Variants in LARGE1 observed in about 807,000 individuals in gnomAD.
LARGE1 encodes LARGE xylosyl- and glucuronyltransferase 1.
A neutral mutation model predicts 87.6 loss-of-function variants in LARGE1; 43 were observed. That is an observed-to-expected ratio of 0.49 (90% confidence interval 0.38 to 0.63). The LOEUF (loss-of-function observed/expected upper bound fraction) is 0.63, where lower values mean the gene tolerates loss of function less well. Ranked by LOEUF, LARGE1 falls within the 30% of genes least tolerant of loss-of-function variation. The probability of loss-of-function intolerance (pLI) is 0.00; values close to 1 mark genes in which losing one functional copy is unlikely to be tolerated. For synonymous variants in LARGE1, 434 were observed against 394.6 expected (o/e 1.10, Z -1.18); for missense variants, 802 against 1,000.2 (o/e 0.80, Z 2.67).
At chr22:33,171,541 A>G (rs137348) in intron 11 of LARGE1, among the ~76,000 whole-genome samples, 94,486 of 152,104 alleles carry the variant, frequency 0.62, 29,644 homozygotes, top group Middle Eastern at 0.69. Flanking sequence ...TGTAGCTTCC[A>G]GACTTGGTGC....
chr22:33,283,535 G>A (rs1930895561), intron 12 of LARGE1, among the ~76,000 whole-genome samples, 187 bp from the exon 13 acceptor site: 1 of 152,192 alleles, frequency 6.6e-6, no homozygotes, highest in Admixed American at 6.5e-5. Flanking sequence ...CAGCCTTTGA[G>A]AGGCCGAGGC....
intron 7 of LARGE1, among the ~76,000 whole-genome samples, chr22:33,406,586 T>A (rs1378347252): frequency 6.6e-6 from 1 of 152,136 alleles, no homozygotes; most frequent in East Asian, 1.9e-4. Flanking sequence ...TAGATCTCAT[T>A]CAGTCTTCGA....
intron 2 of LARGE1, among the ~76,000 whole-genome samples, chr22:33,686,303 C>T (rs560527888): frequency 6.6e-6 from 1 of 151,738 alleles, no homozygotes; most frequent in East Asian, 1.9e-4. Flanking sequence ...CCACTAACAA[C>T]CCCTGGTTCG....
chr22:33,565,128 T>TA, intron 5 of LARGE1, 109 bp from the exon 6 acceptor site: 1 of 991,506 alleles, frequency 1.0e-6, no homozygotes, highest in South Asian at 1.5e-5. Flanking sequence ...AAGTATCCAA[T>TA]AAAAATTTGT....
At chr22:33,556,576 C>CAGGCAGGCAGGA (rs1324999239) in intron 6 of LARGE1, among the ~76,000 whole-genome samples, 2 of 49,982 alleles carry the variant, frequency 4.0e-5, no homozygotes, top group African/African-American at 1.2e-4. Flanking sequence ...GGCAGGCAGG[C>CAGGCAGGCAGGA]AGGCAGGCAG....
chr22:33,143,966 T>C, the LARGE1 span, among the ~76,000 whole-genome samples: 9 of 152,204 alleles, frequency 5.9e-5, no homozygotes, highest in Non-Finnish European at 8.8e-5. Flanking sequence ...TTGGTATCTG[T>C]TTCTGTTTCT....
intron 9 of LARGE1, among the ~76,000 whole-genome samples, chr22:33,360,475 T>C (rs1288826680): frequency 6.7e-6 from 1 of 149,460 alleles, no homozygotes; most frequent in Admixed American, 6.6e-5. Context: ...AACTTACACA[T>C]GTCTTATGTG....
intron 1 of LARGE1, among the ~76,000 whole-genome samples, chr22:33,872,354 G>A (rs961055044): frequency 6.0e-5 from 8 of 134,346 alleles, no homozygotes; most frequent in South Asian, 2.4e-4. Flanking sequence ...CGCAGTAAAT[G>A]CTATCTATTA....
chr22:33,710,565 G>A (rs2267267), intron 2 of LARGE1, among the ~76,000 whole-genome samples: 50,769 of 152,042 alleles, frequency 0.33, 8,605 homozygotes, highest in East Asian at 0.49. Context: ...GAGTTCCTGG[G>A]GGACCACAAA....
chr22:33,630,217 A>C (rs1334858287), intron 3 of LARGE1, among the ~76,000 whole-genome samples: 1 of 152,020 alleles, frequency 6.6e-6, no homozygotes. Context: ...AACCCCAAAA[A>C]ACCGAAAACC....
chr22:33,209,705 G>A (rs980978614), intron 11 of LARGE1, among the ~76,000 whole-genome samples: 1 of 152,270 alleles, frequency 6.6e-6, no homozygotes, highest in South Asian at 2.1e-4. Flanking sequence ...GAGTGCCATG[G>A]TGTAATCACA....
chr22:33,118,489 C>G, the LARGE1 span, among the ~76,000 whole-genome samples: 1 of 141,278 alleles, frequency 7.1e-6, no homozygotes, highest in Non-Finnish European at 1.5e-5. Flanking sequence ...GGGACCCTGC[C>G]TCAGAAAGAA....
intron 5 of LARGE1, among the ~76,000 whole-genome samples, chr22:33,577,882 G>C (rs1055912756): frequency 5.3e-5 from 8 of 152,176 alleles, no homozygotes; most frequent in Non-Finnish European, 8.8e-5. Flanking sequence ...AAAGTCTCTT[G>C]GTGTAGTAAA....
chr22:33,583,523 T>C (rs1402336999), intron 5 of LARGE1, among the ~76,000 whole-genome samples: 5 of 152,232 alleles, frequency 3.3e-5, no homozygotes, highest in Non-Finnish European at 7.3e-5. Context: ...TCAAGGTATA[T>C]AGCTGGCAAC....
chr22:33,423,405 G>A (rs1053377476), intron 7 of LARGE1, among the ~76,000 whole-genome samples: 8 of 151,828 alleles, frequency 5.3e-5, no homozygotes, highest in East Asian at 1.9e-4. Flanking sequence ...GGCTGGGCAC[G>A]GTGGCTCACG....
chr22:33,734,497 A>G (rs1569414897), intron 2 of LARGE1, among the ~76,000 whole-genome samples: 1 of 152,194 alleles, frequency 6.6e-6, no homozygotes, highest in Non-Finnish European at 1.5e-5. Flanking sequence ...TAGTAGTGAG[A>G]GACCACTGAA....
intron 2 of LARGE1, among the ~76,000 whole-genome samples, chr22:33,715,301 A>ATAGGGTGGT (rs1252514129): frequency 6.6e-6 from 1 of 152,082 alleles, no homozygotes; most frequent in Non-Finnish European, 1.5e-5. Context: ...TTGACCACCA[A>ATAGGGTGGT]TAGGGTGGTC....
chr22:33,668,243 A>C (rs1453553710), intron 2 of LARGE1, among the ~76,000 whole-genome samples: 1 of 152,234 alleles, frequency 6.6e-6, no homozygotes, highest in Non-Finnish European at 1.5e-5. Context: ...CAGCAATGCT[A>C]AACAGTACTA....
chr22:33,575,635 A>G (rs1007238220), intron 5 of LARGE1, among the ~76,000 whole-genome samples: 17 of 152,344 alleles, frequency 1.1e-4, no homozygotes, highest in Middle Eastern at 3.4e-3. Flanking sequence ...GTAAGCATCA[A>G]TGAACATTTA....
Sources: gnomAD v4.1 joint callset for allele counts (sites outside exome capture counted in the v4.1 genomes callset) on GRCh38, gnomAD v4.1.1 for gene constraint, MANE v1.5 for transcripts, NCBI Gene and HGNC (gene_info 2026-07-23, HGNC 2026-07-21) for gene names.